Variants in TRPM1 observed in about 807,000 individuals in gnomAD.
TRPM1 encodes TRPM1-203 APA Isoform, Intron 10.
Under a neutral mutation model 149.4 loss-of-function variants are expected in TRPM1, and 113 were observed. That is an observed-to-expected ratio of 0.76 (90% CI 0.65 to 0.88). The LOEUF (loss-of-function observed/expected upper bound fraction) is 0.88, where lower values mean the gene tolerates loss of function less well. Among genes scored for constraint, TRPM1 ranks in the 40% least tolerant of loss-of-function variants. TRPM1 has a pLI of 0.00. For synonymous variants in TRPM1, 741 were observed against 759.5 expected (o/e 0.98, Z 0.40); for missense variants, 1,976 against 2,038.7 (o/e 0.97, Z 0.59).
chr15:31,143,808 A>C (rs1028252984), intron 1 of TRPM1, among the ~76,000 whole-genome samples: 1 of 152,188 alleles, frequency 6.6e-6, no homozygotes, highest in South Asian at 2.1e-4. Context: ...TTGTAAACAA[A>C]AATTAGAACG....
rs781379511 is a variant in TRPM1, at chr15:31,070,126, C to G, written c.184G>C (p.Glu62Gln). The change falls in exon 4 of 28, where the codon GAG becomes CAG. Residue 62 changes from glutamate (E) to glutamine (Q), a missense_variant. By Grantham distance (29) the Glu-to-Gln change is conservative. Coordinates refer to ENST00000256552, the MANE Select transcript of TRPM1 (RefSeq NM_001252024.2). ...EESKQVETQP[E>Q]KWSVAKHTQS... is the part of the protein sequence containing the mutation. The stretch of plus-strand genomic sequence containing the variant: ...GTGTGCTTGGCAACAGACCATTTCT[C>G]AGGCTGAGTCTCCACCTGTTTGCTT... 2 of 1,614,008 alleles carry G rather than the reference C, an allele frequency of 1.2e-6. No individual in the cohort carries two copies. The highest frequency in any genetic ancestry group is 1.7e-6 in the Non-Finnish European group (2 of 1,179,966).
chr15:31,023,249 T>C (rs1052515288), intron 27 of TRPM1, among the ~76,000 whole-genome samples: 1 of 152,100 alleles, frequency 6.6e-6, no homozygotes, highest in African/African-American at 2.4e-5. Context: ...GTGAGGTGCA[T>C]CAGACAGAGG....
At chr15:31,126,178 C>G (rs989755316) in intron 1 of TRPM1, among the ~76,000 whole-genome samples, 2 of 152,082 alleles carry the variant, frequency 1.3e-5, no homozygotes, top group East Asian at 3.9e-4. Context: ...ACAAAATAAA[C>G]AGAGTAAAAA....
At chr15:31,130,331 C>CTCCA (rs765603371) in intron 1 of TRPM1, among the ~76,000 whole-genome samples, 1 of 152,234 alleles carries the variant, frequency 6.6e-6, no homozygotes, top group Non-Finnish European at 1.5e-5. Context: ...ACCTAACCGA[C>CTCCA]TCCATCTTGC....
At chr15:31,081,878 C>T (rs972590440) in intron 1 of TRPM1, among the ~76,000 whole-genome samples, 1 of 152,206 alleles carries the variant, frequency 6.6e-6, no homozygotes, top group African/African-American at 2.4e-5. Context: ...CCAGGAGAGG[C>T]ATGGCTCACC....
intron 27 of TRPM1, 129 bp downstream of exon 27, chr15:31,026,010 C>T: frequency 7.2e-7 from 1 of 1,389,162 alleles, no homozygotes; most frequent in East Asian, 2.3e-5. Context: ...ACGTTAAAAC[C>T]TAAAGTTTAA....
At chr15:31,145,227 C>T (rs569336732) in intron 1 of TRPM1, among the ~76,000 whole-genome samples, 7 of 152,278 alleles carry the variant, frequency 4.6e-5, no homozygotes, top group South Asian at 2.1e-4. Flanking sequence ...TTCCCTAGAA[C>T]GTGCAATGCC....
chr15:31,125,055 A>T (rs2035929832), intron 1 of TRPM1, among the ~76,000 whole-genome samples: 1 of 152,090 alleles, frequency 6.6e-6, no homozygotes, highest in Non-Finnish European at 1.5e-5. Flanking sequence ...CATGCCTGTA[A>T]TCCCAGCTAC....
At chr15:31,032,579 C>A in intron 22 of TRPM1, 110 bp downstream of exon 22, 1 of 1,336,378 alleles carries the variant, frequency 7.5e-7, no homozygotes, top group Non-Finnish European at 1.1e-6. Context: ...AAAAAGCCAA[C>A]TGCAAAAGAA....
chr15:31,116,346 G>A (rs932530588), intron 1 of TRPM1, among the ~76,000 whole-genome samples: 2 of 152,158 alleles, frequency 1.3e-5, no homozygotes, highest in African/African-American at 4.8e-5. Context: ...CGTGGCTCAT[G>A]CCTGCAGTCC....
chr15:31,021,885 T>G (rs2032563338), intron 27 of TRPM1, among the ~76,000 whole-genome samples: 1 of 152,068 alleles, frequency 6.6e-6, no homozygotes, highest in Non-Finnish European at 1.5e-5. Flanking sequence ...ATGAGTTATA[T>G]CCTGCATATT....
chr15:31,142,919 A>C (rs1001349734), intron 1 of TRPM1, among the ~76,000 whole-genome samples: 5 of 152,216 alleles, frequency 3.3e-5, no homozygotes, highest in Non-Finnish European at 5.9e-5. Flanking sequence ...TAGAAATCTG[A>C]TGTGTTATCA....
intron 1 of TRPM1, among the ~76,000 whole-genome samples, chr15:31,085,363 G>A (rs2034971583): frequency 6.6e-6 from 1 of 152,188 alleles, no homozygotes; most frequent in Non-Finnish European, 1.5e-5. Context: ...TATTTAAGCT[G>A]CAATTGCAAA....
At chr15:31,048,357 T>C (rs571735701) in intron 13 of TRPM1, among the ~76,000 whole-genome samples, 1 of 152,324 alleles carries the variant, frequency 6.6e-6, no homozygotes, top group African/African-American at 2.4e-5. Flanking sequence ...TTGTGAGAGC[T>C]GGAGTGTAAC....
chr15:31,061,528 A>G lies in TRPM1; in HGVS notation c.1090-14T>C, dbSNP rs1426867470. On this transcript the variant is annotated splice_polypyrimidine_tract_variant and intron_variant, in intron 9 of 27. Transcript: ENST00000256552. ...GAACACAGTGACCTGAAAATGTGAA[A>G]AGACTGAATTAAAGCCAAGTTGAAA... 1 of 1,613,886 alleles carries G rather than the reference A, an allele frequency of 6.2e-7. No individual in the cohort carries two copies. The highest frequency in any genetic ancestry group is 2.2e-5 in the East Asian group (1 of 44,882).
At chr15:31,092,609 G>A (rs889115290) in intron 1 of TRPM1, among the ~76,000 whole-genome samples, 24 of 152,218 alleles carry the variant, frequency 1.6e-4, no homozygotes, top group Admixed American at 1.5e-3. Context: ...CTCAGGAAGT[G>A]GAGCAGGCAT....
intron 27 of TRPM1, among the ~76,000 whole-genome samples, chr15:31,022,476 AT>A (rs1331292910): frequency 6.6e-6 from 1 of 152,168 alleles, no homozygotes; most frequent in Non-Finnish European, 1.5e-5. Context: ...ACAAATAATA[AT>A]AAAAAAGGAG....
intron 1 of TRPM1, among the ~76,000 whole-genome samples, chr15:31,086,737 C>T (rs1190650347): frequency 6.6e-6 from 1 of 152,202 alleles, no homozygotes; most frequent in Non-Finnish European, 1.5e-5. Flanking sequence ...TTCTTCAAAG[C>T]ATTTCTCCCC....
At chr15:31,127,053 G>GTATCCC (rs2035960688) in intron 1 of TRPM1, among the ~76,000 whole-genome samples, 1 of 152,214 alleles carries the variant, frequency 6.6e-6, no homozygotes, top group South Asian at 2.1e-4. Flanking sequence ...AAGGGTGCTA[G>GTATCCC]TATCCCCATT....
Sources: allele counts gnomAD v4.1 joint callset (sites outside exome capture counted in the v4.1 genomes callset), GRCh38; gene constraint gnomAD v4.1.1; transcripts MANE v1.5; gene names NCBI Gene and HGNC (gene_info 2026-07-23, HGNC 2026-07-21).